The following MDN1 variants were observed in gnomAD, a reference collection of about 807,000 sequenced individuals.
MDN1 encodes the protein midasin AAA ATPase 1.
Under a neutral mutation model 669.2 loss-of-function variants are expected in MDN1, and 266 were observed. The ratio of observed to expected loss-of-function variants is 0.40; its 90% confidence interval spans 0.36 to 0.44. MDN1 has a LOEUF of 0.44. Among genes scored for constraint, MDN1 ranks in the 20% least tolerant of loss-of-function variants. The probability of loss-of-function intolerance (pLI) is 1.00; values close to 1 mark genes in which losing one functional copy is unlikely to be tolerated. For synonymous variants in MDN1, 2,385 were observed against 2,457.1 expected, an observed-to-expected ratio of 0.97 and a Z score of 0.87; for missense variants, 5,940 against 6,754.0, an observed-to-expected ratio of 0.88 and a Z score of 4.22.
chr6:89,722,688 A>T (rs1487948188), intron 40 of MDN1, among the ~76,000 whole-genome samples: 1 of 152,144 alleles, frequency 6.6e-6, no homozygotes, highest in Admixed American at 6.5e-5. Context: ...TTTCTACTAA[A>T]TACAAAAAAT....
At chr6:89,697,723 G>A (rs1417157072) in intron 59 of MDN1, among the ~76,000 whole-genome samples, 1 of 151,734 alleles carries the variant, frequency 6.6e-6, no homozygotes, top group Admixed American at 6.6e-5. Context: ...CTGGGATTCA[G>A]GCGCACACCA....
chr6:89,735,796 C>G (rs537642471), intron 33 of MDN1, among the ~76,000 whole-genome samples: 1 of 152,088 alleles, frequency 6.6e-6, no homozygotes, highest in Non-Finnish European at 1.5e-5. Flanking sequence ...CCAAGGCGGG[C>G]GGATCACAAG....
chr6:89,789,281 CT>C (rs779282107), intron 7 of MDN1, among the ~76,000 whole-genome samples: 16 of 152,274 alleles, frequency 1.1e-4, no homozygotes, highest in Non-Finnish European at 2.2e-4. Flanking sequence ...CAGAAGTGGT[CT>C]TTTTACAAAC....
chr6:89,795,627 AG>A (rs1364459356), intron 2 of MDN1, among the ~76,000 whole-genome samples: 1 of 152,188 alleles, frequency 6.6e-6, no homozygotes, highest in Non-Finnish European at 1.5e-5. Flanking sequence ...CGCTAGATTA[AG>A]AAAAAAAAGA....
chr6:89,688,231 G>C, intron 66 of MDN1, 58 bp from the exon 67 acceptor site: 1 of 1,486,150 alleles, frequency 6.7e-7, no homozygotes, highest in South Asian at 1.1e-5. Context: ...TAAGTCACAG[G>C]GTACTGAAGA....
chr6:89,646,633 A>G, intron 99 of MDN1, 30 bp from the exon 100 acceptor site: 2 of 1,588,644 alleles, frequency 1.3e-6, no homozygotes, highest in Non-Finnish European at 1.7e-6. Context: ...AGACAATTAG[A>G]AAACTATGTG....
intron 85 of MDN1, among the ~76,000 whole-genome samples, chr6:89,663,780 A>C (rs894996676): frequency 1.3e-5 from 2 of 148,334 alleles, no homozygotes; most frequent in South Asian, 2.1e-4. Context: ...TAAAAATACA[A>C]AAAAAAAAAG....
chr6:89,771,736 T>G, intron 14 of MDN1, 115 bp from the exon 15 acceptor site: 1 of 857,544 alleles, frequency 1.2e-6, no homozygotes, highest in Non-Finnish European at 1.9e-6. Flanking sequence ...TGAGACAGAG[T>G]CTTGTTCTGT....
chr6:89,762,305 G>C lies in MDN1; in HGVS notation c.2356+14C>G. 6.2e-7 allele frequency: 1 copy of C among 1,607,344 alleles called. No homozygotes were observed. The highest frequency in any genetic ancestry group is 1.1e-5 in the South Asian group (1 of 90,386). ...CCATGCCCTCCCCCATGGCAGCCTG[G>C]GTCACATCCTTACCAGTTTCACTGT... On this transcript the variant is annotated intron_variant, in intron 16 of 101. Transcript: ENST00000369393.
intron 2 of MDN1, among the ~76,000 whole-genome samples, chr6:89,796,185 G>A (rs1250619117): frequency 6.6e-6 from 1 of 151,350 alleles, no homozygotes; most frequent in Non-Finnish European, 1.5e-5. Context: ...TTAGCCAGGT[G>A]TGGTGGTGCA....
chr6:89,707,271 C>A, intron 52 of MDN1, 90 bp downstream of exon 52: 2 of 896,374 alleles, frequency 2.2e-6, no homozygotes, highest in Non-Finnish European at 3.6e-6. Context: ...AACCAGTAAA[C>A]AACAGCAGCT....
intron 66 of MDN1, 59 bp downstream of exon 66, chr6:89,688,514 G>A: frequency 6.7e-7 from 1 of 1,485,464 alleles, no homozygotes; most frequent in Non-Finnish European, 9.2e-7. Context: ...TAATGGTGAG[G>A]CTGCATCCTC....
In MDN1 at chr6:89,658,804, C is replaced by T. The variant is rs944875298; in HGVS notation, c.14827G>A (p.Glu4943Lys). ...NESQSPQEPE[E>K]GPSEDDKAEG... ...GCCTTGTCATCTTCACTGGGGCCTT[C>T]CTCAGGCTCCTGTGGACTCTGACTT... Residue 4943 changes from glutamate (E) to lysine (K), a missense_variant, in exon 89 of 102, where the codon GAA becomes AAA. Transcript: ENST00000369393. 2 of 1,614,068 alleles carry T rather than the reference C, an allele frequency of 1.2e-6. No homozygotes were observed. The highest frequency in any genetic ancestry group is 2.7e-5 in the African/African-American group (2 of 74,920).
At chr6:89,791,260 T>C (rs569216785) in intron 5 of MDN1, among the ~76,000 whole-genome samples, 9 of 152,286 alleles carry the variant, frequency 5.9e-5, no homozygotes, top group African/African-American at 2.2e-4. Flanking sequence ...CCTTTCCCCA[T>C]ATTCTAGGAT....
At chr6:89,803,829 C>T (rs1180759731) in intron 1 of MDN1, among the ~76,000 whole-genome samples, 4 of 151,650 alleles carry the variant, frequency 2.6e-5, no homozygotes, top group African/African-American at 9.7e-5. Context: ...GATCCGCCCG[C>T]CTCAGCCTCC....
intron 82 of MDN1, among the ~76,000 whole-genome samples, chr6:89,671,596 A>ATC (rs1234784439): frequency 2.0e-5 from 3 of 152,226 alleles, no homozygotes; most frequent in African/African-American, 4.8e-5. Flanking sequence ...AGGTGTGAGG[A>ATC]TCACCTGAGC....
chr6:89,648,236 G>C lies in MDN1; in HGVS notation c.16280+20C>G. On this transcript the variant is annotated intron_variant, in intron 98 of 101. Transcript: ENST00000369393. ...CAGGTTGTGAAAAGTTTTCATAAAGGAATTACAAAGCAACCTTACCTACAC... is the reference window on the plus strand; with the variant it reads ...CAGGTTGTGAAAAGTTTTCATAAAGCAATTACAAAGCAACCTTACCTACAC... 6.2e-7 allele frequency: 1 copy of C among 1,612,778 alleles called. No homozygotes were observed. The highest frequency in any genetic ancestry group is 8.5e-7 in the Non-Finnish European group (1 of 1,178,804).
chr6:89,670,850 C>A, intron 83 of MDN1, 69 bp downstream of exon 83: 2 of 1,519,276 alleles, frequency 1.3e-6, no homozygotes, highest in South Asian at 1.3e-5. Flanking sequence ...CCTATCACAC[C>A]AAAGACTAAT....
intron 97 of MDN1, 97 bp from the exon 98 acceptor site, chr6:89,648,426 T>G: frequency 8.2e-7 from 1 of 1,226,742 alleles, no homozygotes; most frequent in South Asian, 1.3e-5. Context: ...AAGAAAACAT[T>G]TTTTTGTTTG....
Sources: gnomAD v4.1 joint callset for allele counts (sites outside exome capture counted in the v4.1 genomes callset) on GRCh38, gnomAD v4.1.1 for gene constraint, MANE v1.5 for transcripts, NCBI Gene and HGNC (gene_info 2026-07-23, HGNC 2026-07-21) for gene names.